The following ACOT11 variants were observed in gnomAD, a reference collection of about 807,000 sequenced individuals.
The protein encoded by ACOT11 is acyl-CoA thioesterase 11, also known as acyl-coenzyme A thioesterase 11.
ACOT11 carries 69 observed loss-of-function variants against 77.5 expected under a neutral mutation model. That is an observed-to-expected ratio of 0.89 (90% CI 0.73 to 1.09). The LOEUF (loss-of-function observed/expected upper bound fraction) is 1.09. ACOT11 is among the 50% of genes least tolerant of loss of function. ACOT11 has a pLI of 0.00. For missense variants in ACOT11, 766 were observed against 813.7 expected, an observed-to-expected ratio of 0.94 and a Z score of 0.71; for synonymous variants, 279 against 313.0, an observed-to-expected ratio of 0.89 and a Z score of 1.15.
chr1:54,616,679 A>G (rs1336323342), intron 15 of ACOT11, among the ~76,000 whole-genome samples: 1 of 152,120 alleles, frequency 6.6e-6, no homozygotes, highest in African/African-American at 2.4e-5. Context: ...GGCCCTATGC[A>G]TAGTTTTTAC....
chr1:54,594,089 C>T (rs1654811621), intron 5 of ACOT11, 50 bp downstream of exon 5: 1 of 1,550,882 alleles, frequency 6.4e-7, no homozygotes, highest in East Asian at 2.3e-5. Flanking sequence ...ACCTGGGCAC[C>T]TGCCATGGCG....
At chr1:54,611,445 A>G (rs1477848941), downstream of ACOT11, among the ~76,000 whole-genome samples, 4 of 152,098 alleles carry the variant, frequency 2.6e-5, no homozygotes, top group African/African-American at 9.7e-5. Flanking sequence ...GAAGCTTAGC[A>G]TACCATCCCA....
intron 1 of ACOT11, among the ~76,000 whole-genome samples, chr1:54,551,531 T>A (rs750996916): frequency 6.6e-6 from 1 of 152,138 alleles, no homozygotes; most frequent in Non-Finnish European, 1.5e-5. Context: ...CACTGGGCAC[T>A]GAGTCTCACA....
At chr1:54,582,342 C>CT in intron 1 of ACOT11, 1 of 647,890 alleles carries the variant, frequency 1.5e-6, no homozygotes, top group Non-Finnish European at 1.9e-6. Context: ...AAGTCCGTCT[C>CT]TGTTTGTCCC....
chr1:54,559,126 C>T (rs1452638414), intron 1 of ACOT11, among the ~76,000 whole-genome samples: 2 of 152,234 alleles, frequency 1.3e-5, no homozygotes, highest in African/African-American at 4.8e-5. Context: ...CCAGAGCTCT[C>T]ATCTGCTAGA....
chr1:54,616,219 A>G (rs1345912755), intron 15 of ACOT11: 1 of 1,525,052 alleles, frequency 6.6e-7, no homozygotes, highest in South Asian at 1.2e-5. Flanking sequence ...TTAAAAAAAG[A>G]AAACTTCTTT....
At chr1:54,564,742 G>A (rs1275529857) in intron 1 of ACOT11, among the ~76,000 whole-genome samples, 1 of 152,190 alleles carries the variant, frequency 6.6e-6, no homozygotes, top group African/African-American at 2.4e-5. Flanking sequence ...ACTCTGGCTG[G>A]TTCTTGACCG....
intron 1 of ACOT11, among the ~76,000 whole-genome samples, chr1:54,577,424 C>A (rs1654153509): frequency 6.6e-6 from 1 of 152,064 alleles, no homozygotes; most frequent in South Asian, 2.1e-4. Flanking sequence ...CTTAGTATAT[C>A]TTTTTGAAAT....
Position 54,608,690 on chromosome 1 carries a change from CG to C in ACOT11, c.1630-263del, listed in dbSNP as rs1557666884. The stretch of plus-strand genomic sequence containing the variant: ...CCTGCCCTCCAGGGCCTCTGGCTGG[CG>C]GGGAAGATGCATGATGACAATGTGG... On this transcript the variant is annotated intron_variant, in intron 15 of 15. Coordinates refer to ENST00000343744, the MANE Select transcript of ACOT11 (RefSeq NM_147161.4). 3.9e-5 allele frequency among the ~76,000 whole-genome samples: 6 copies of C among 152,114 alleles called. No individual in the cohort carries two copies. The South Asian group carries it at 1.2e-3, about 32-fold the overall frequency.
downstream of ACOT11, chr1:54,612,794 G>A: frequency 1.0e-6 from 1 of 988,670 alleles, no homozygotes. Context: ...GTGCTAGGGA[G>A]TGGCAGAGCC....
At chr1:54,570,033 C>T (rs538897799) in intron 1 of ACOT11, among the ~76,000 whole-genome samples, 2 of 152,258 alleles carry the variant, frequency 1.3e-5, no homozygotes, top group Admixed American at 1.3e-4. Flanking sequence ...AAATTTTGTC[C>T]ATTCCTAACC....
intron 1 of ACOT11, among the ~76,000 whole-genome samples, chr1:54,574,417 C>T (rs902852024): frequency 7.2e-5 from 11 of 152,144 alleles, no homozygotes; most frequent in African/African-American, 2.2e-4. Flanking sequence ...TGTGAGGGCG[C>T]GGCTCAGGCT....
chr1:54,615,730 T>C (rs1469747082), intron 15 of ACOT11, among the ~76,000 whole-genome samples: 1 of 152,156 alleles, frequency 6.6e-6, no homozygotes, highest in Admixed American at 6.5e-5. Context: ...TCCAGTTCTG[T>C]GGATACAGGA....
chr1:54,637,180 C>T (rs1644335835), exon 17 of ACOT11: 1 of 152,208 alleles, frequency 6.6e-6, no homozygotes, highest in African/African-American at 2.4e-5. Context: ...CTTCACACCT[C>T]TATATTTTTG....
rs373141975 is a variant in ACOT11, at chr1:54,549,804, G to A, written c.33+1462G>A. Among the ~76,000 whole-genome samples, 57 of 152,330 alleles carry A rather than the reference G, an allele frequency of 3.7e-4. 2 individuals are homozygous for A. The highest frequency in any genetic ancestry group is 6.8e-3 in the Middle Eastern group (2 of 294). ...AGGGTGGGATCTGAGTAGCAGGGCC[G>A]CTTGCTCTTGTCACCTGAGTGCAGG... On this transcript the variant is annotated intron_variant, in intron 1 of 15. Transcript: ENST00000343744.
chr1:54,551,873 C>T (rs947538530), intron 1 of ACOT11, among the ~76,000 whole-genome samples: 2 of 152,074 alleles, frequency 1.3e-5, no homozygotes, highest in South Asian at 2.1e-4. Flanking sequence ...CCTCAGCCTC[C>T]GGAGTAGCTG....
exon 17 of ACOT11, chr1:54,638,545 A>G (rs1644343307): frequency 1.3e-5 from 2 of 151,978 alleles, no homozygotes; most frequent in Non-Finnish European, 2.9e-5. Context: ...TTTAGTGGAG[A>G]TGGGGTTTCA....
intron 1 of ACOT11, among the ~76,000 whole-genome samples, chr1:54,568,258 T>C (rs1653804983): frequency 6.6e-6 from 1 of 152,120 alleles, no homozygotes; most frequent in African/African-American, 2.4e-5. Flanking sequence ...TACATCCCGT[T>C]TTTTCTTTCT....
At chr1:54,578,659 T>C (rs777825311) in intron 1 of ACOT11, among the ~76,000 whole-genome samples, 2 of 152,304 alleles carry the variant, frequency 1.3e-5, no homozygotes, top group African/African-American at 2.4e-5. Context: ...TTTATTTTTA[T>C]TATGACCTCT....
Sources: gnomAD v4.1 joint callset for allele counts (sites outside exome capture counted in the v4.1 genomes callset) on GRCh38, gnomAD v4.1.1 for gene constraint, MANE v1.5 for transcripts, NCBI Gene and HGNC (gene_info 2026-07-23, HGNC 2026-07-21) for gene names.